The following SLC39A14 variants were observed in gnomAD, a reference collection of about 807,000 sequenced individuals.
SLC39A14 encodes the protein metal cation symporter ZIP14.
Under a neutral mutation model 45.5 loss-of-function variants are expected in SLC39A14, and 19 were observed. That is an observed-to-expected ratio of 0.42 (90% CI 0.29 to 0.61). SLC39A14 has a LOEUF of 0.61. Among genes scored for constraint, SLC39A14 ranks in the 20% least tolerant of loss-of-function variants. SLC39A14 has a pLI of 0.22. For synonymous variants in SLC39A14, 264 were observed against 251.3 expected (o/e 1.05, Z -0.48); for missense variants, 447 against 616.5 (o/e 0.73, Z 2.91).
chr8:22,403,342 C>T (rs1189186581), intron 1 of SLC39A14, among the ~76,000 whole-genome samples: 5 of 151,324 alleles, frequency 3.3e-5, no homozygotes, highest in Admixed American at 6.6e-5. Flanking sequence ...TGCAATGGCG[C>T]GATCTTGGCT....
chr8:22,383,578 C>T (rs1345954093), intron 1 of SLC39A14, among the ~76,000 whole-genome samples: 4 of 152,138 alleles, frequency 2.6e-5, no homozygotes, highest in Non-Finnish European at 4.4e-5. Context: ...AGGGACTGGG[C>T]GCTTGTTTTC....
chr8:22,411,923 T>G, intron 3 of SLC39A14, 114 bp from the exon 4 acceptor site: 1 of 980,062 alleles, frequency 1.0e-6, no homozygotes, highest in Admixed American at 2.8e-5. Flanking sequence ...AACTTTTCCT[T>G]GCGACCTCCC....
At chr8:22,397,519 A>G (rs561435181) in intron 1 of SLC39A14, among the ~76,000 whole-genome samples, 2 of 152,112 alleles carry the variant, frequency 1.3e-5, no homozygotes, top group South Asian at 4.2e-4. Flanking sequence ...CGGAGCTTGC[A>G]GTGAGCCGAG....
intron 1 of SLC39A14, among the ~76,000 whole-genome samples, chr8:22,396,763 G>A (rs1024745856): frequency 4.0e-5 from 6 of 151,480 alleles, no homozygotes; most frequent in African/African-American, 1.2e-4. Flanking sequence ...CAACTGAAGA[G>A]GAAAAAGACT....
intron 1 of SLC39A14, among the ~76,000 whole-genome samples, chr8:22,371,259 C>T (rs897785058): frequency 1.3e-5 from 2 of 152,024 alleles, no homozygotes; most frequent in African/African-American, 4.8e-5. Flanking sequence ...AAGGGCAGGC[C>T]CCAGAGAATC....
intron 4 of SLC39A14, 81 bp downstream of exon 4, chr8:22,412,287 GA>G: frequency 1.4e-6 from 2 of 1,412,734 alleles, no homozygotes; most frequent in East Asian, 2.5e-5. Context: ...AAGGCATAGA[GA>G]GGGCACCTGG....
chr8:22,425,889 G>GTT (rs549782856), downstream of SLC39A14, among the ~76,000 whole-genome samples: 114 of 76,284 alleles, frequency 1.5e-3, 7 homozygotes, highest in East Asian at 5.9e-3. Context: ...GATGGTTTTT[G>GTT]TTTTTTTTTT....
At chr8:22,371,523 T>C (rs1384163423) in intron 1 of SLC39A14, among the ~76,000 whole-genome samples, 1 of 146,272 alleles carries the variant, frequency 6.8e-6, no homozygotes, top group African/African-American at 2.5e-5. Context: ...AACCTCTGCC[T>C]CCTGGGTTCA....
intron 3 of SLC39A14, among the ~76,000 whole-genome samples, chr8:22,410,916 T>A (rs1031000617): frequency 1.3e-5 from 2 of 152,194 alleles, no homozygotes; most frequent in African/African-American, 4.8e-5. Flanking sequence ...GAGTCATGGA[T>A]GCTGCCCTTC....
chr8:22,376,967 C>G (rs774272902), intron 1 of SLC39A14, among the ~76,000 whole-genome samples: 15 of 152,160 alleles, frequency 9.9e-5, no homozygotes, highest in Non-Finnish European at 2.1e-4. Context: ...CTATGCAAAT[C>G]CTGTTTCTCC....
intron 8 of SLC39A14, among the ~76,000 whole-genome samples, chr8:22,432,974 A>C (rs1339952754): frequency 6.6e-6 from 1 of 151,290 alleles, no homozygotes; most frequent in Non-Finnish European, 1.5e-5. Context: ...TTTTAAAAAA[A>C]ATTTTTGGTA....
At chr8:22,416,049 C>T (rs1835859197) in intron 6 of SLC39A14, 24 bp from the exon 7 acceptor site, 1 of 1,613,102 alleles carries the variant, frequency 6.2e-7, no homozygotes, top group South Asian at 1.1e-5. Flanking sequence ...ACGCTGTGGG[C>T]CCTGGGGGTG....
In SLC39A14 at chr8:22,420,382, G is replaced by T; in HGVS notation, c.*684G>T. ...GATATTGATTTTGTAACAGCACCTGGTGTTTCACGGCTGTCCGAGTGAGCT... is the reference window on the plus strand; with the variant it reads ...GATATTGATTTTGTAACAGCACCTGTTGTTTCACGGCTGTCCGAGTGAGCT... On this transcript the variant is annotated 3_prime_UTR_variant, in exon 9 of 9. Transcript: ENST00000381237. 1.0e-6 allele frequency: 1 copy of T among 985,460 alleles called. No individual in the cohort carries two copies. 61.0% of individuals were successfully genotyped at this position (985,460 alleles called of 1,614,324 possible). A position where few individuals can be genotyped will look rare whatever the true frequency, so the allele number is the denominator to read the frequency against.
chr8:22,417,593 C>T lies in SLC39A14; in HGVS notation c.1148-58C>T, dbSNP rs557762239. The stretch of plus-strand genomic sequence containing the variant: ...AGCTGGGATGACAGGTGTGCATTCA[C>T]CATGCCCATCTTACTCTTCCTTCCT... On this transcript the variant is annotated intron_variant, in intron 7 of 8. Coordinates refer to ENST00000381237, the MANE Select transcript of SLC39A14 (RefSeq NM_001128431.4). 14 of 1,441,226 alleles carry T rather than the reference C, an allele frequency of 9.7e-6. No individual in the cohort carries two copies. In the South Asian group the frequency reaches 1.5e-4, roughly 15 times the overall value. The allele number at this position is 1,441,226 out of a possible 1,614,324, so 89.3% of individuals were successfully genotyped here. A position where few individuals can be genotyped will look rare whatever the true frequency, so the allele number is the denominator to read the frequency against.
At chr8:22,371,209 C>T (rs928788241) in intron 1 of SLC39A14, among the ~76,000 whole-genome samples, 1 of 152,066 alleles carries the variant, frequency 6.6e-6, no homozygotes, top group African/African-American at 2.4e-5. Flanking sequence ...GCCTTGGCAA[C>T]TGGAGATCGG....
chr8:22,399,802 A>T (rs1181247587), intron 1 of SLC39A14, among the ~76,000 whole-genome samples: 1 of 152,252 alleles, frequency 6.6e-6, no homozygotes, highest in African/African-American at 2.4e-5. Flanking sequence ...CCTCTAGGTG[A>T]GTGCCAGCCA....
intron 2 of SLC39A14, among the ~76,000 whole-genome samples, chr8:22,406,475 C>T (rs1372527030): frequency 6.6e-6 from 1 of 152,078 alleles, no homozygotes; most frequent in Non-Finnish European, 1.5e-5. Flanking sequence ...AGGTGGATCA[C>T]GAGGTCAGGA....
At chr8:22,413,005 G>C (rs1437951329) in intron 4 of SLC39A14, among the ~76,000 whole-genome samples, 1 of 152,142 alleles carries the variant, frequency 6.6e-6, no homozygotes, top group African/African-American at 2.4e-5. Flanking sequence ...TGTCCATAGG[G>C]AGTTTTGGGG....
At chr8:22,431,536 A>G (rs1836467220) in intron 8 of SLC39A14, among the ~76,000 whole-genome samples, 2 of 152,232 alleles carry the variant, frequency 1.3e-5, no homozygotes, top group African/African-American at 4.8e-5. Flanking sequence ...GTTCATAATT[A>G]TGTCTCAGAG....
Sources: allele counts gnomAD v4.1 joint callset (sites outside exome capture counted in the v4.1 genomes callset), GRCh38; gene constraint gnomAD v4.1.1; transcripts MANE v1.5; gene names NCBI Gene and HGNC (gene_info 2026-07-23, HGNC 2026-07-21).